The following PPP6R1 variants were observed in gnomAD, a reference collection of about 807,000 sequenced individuals.
PPP6R1 encodes serine/threonine-protein phosphatase 6 regulatory subunit 1.
A neutral mutation model predicts 104.6 loss-of-function variants in PPP6R1; 39 were observed. That is an observed-to-expected ratio of 0.37 (90% CI 0.29 to 0.49). PPP6R1 has a LOEUF of 0.49. PPP6R1 is among the 20% of genes least tolerant of loss of function. The probability of loss-of-function intolerance (pLI) is 0.98; values close to 1 mark genes in which losing one functional copy is unlikely to be tolerated. For synonymous variants in PPP6R1, 549 were observed against 479.0 expected (o/e 1.15, Z -1.91); for missense variants, 1,181 against 1,155.8 (o/e 1.02, Z -0.32).
intron 21 of PPP6R1, 47 bp from the exon 22 acceptor site, chr19:55,230,931 A>G: frequency 7.0e-7 from 1 of 1,427,752 alleles, no homozygotes; most frequent in Non-Finnish European, 9.7e-7. Context: ...CCCCACCGTC[A>G]CCTGCTGACA....
At chr19:55,255,244 C>T (rs771247748) in intron 1 of PPP6R1, among the ~76,000 whole-genome samples, 15 of 152,152 alleles carry the variant, frequency 9.9e-5, no homozygotes, top group African/African-American at 2.2e-4. Flanking sequence ...AGGACTGGGA[C>T]GGGGACTTGA....
intron 19 of PPP6R1, 36 bp downstream of exon 19, chr19:55,231,766 A>C: frequency 6.7e-7 from 1 of 1,492,636 alleles, no homozygotes; most frequent in Non-Finnish European, 8.9e-7. Flanking sequence ...GCCTCGGGAT[A>C]CCAGCACCAT....
chr19:55,243,589 CA>C (rs2087479489), intron 5 of PPP6R1, among the ~76,000 whole-genome samples: 1 of 151,778 alleles, frequency 6.6e-6, no homozygotes, highest in African/African-American at 2.4e-5. Context: ...TGCTTGAGCC[CA>C]GGGGGGTCAA....
chr19:55,247,162 C>T (rs754412789), intron 1 of PPP6R1, 53 bp from the exon 2 acceptor site: 11 of 1,558,578 alleles, frequency 7.1e-6, no homozygotes, highest in South Asian at 1.1e-5. Context: ...GGAGTCCCCA[C>T]TGGACGAGGC....
chr19:55,240,402 G>C (rs2122607399), intron 10 of PPP6R1, 102 bp from the exon 11 acceptor site: 1 of 1,170,372 alleles, frequency 8.5e-7, no homozygotes, highest in South Asian at 1.3e-5. Flanking sequence ...TGCTTCACCA[G>C]GCCCCCGCTC....
rs1311654010 is a variant in PPP6R1, at chr19:55,242,226, T to C, written c.785A>G (p.Gln262Arg). The change falls in exon 7 of 24, where the codon CAG becomes CGG. Residue 262 changes from glutamine (Q) to arginine (R), a missense_variant. Transcript: ENST00000412770. ...LSNMFEGEQS[Q>R]SVIVSGIQVL... Reference sequence around the variant, plus strand: ...CTGGATCCCACTGACGATGACAGACTGGCTCTGCTCCCCCTCGAACATGTT... The same window carrying C: ...CTGGATCCCACTGACGATGACAGACCGGCTCTGCTCCCCCTCGAACATGTT... 1.9e-6 allele frequency: 3 copies of C among 1,613,804 alleles called. No homozygotes were observed. Among genetic ancestry groups the C allele is most frequent in the East Asian group, 2.2e-5 (1 of 44,878 alleles).
chr19:55,245,488 G>A lies in PPP6R1; in HGVS notation c.414+4C>T, dbSNP rs767884977. On this transcript the variant is annotated splice_donor_region_variant and intron_variant, in intron 3 of 23. Coordinates refer to ENST00000412770, the MANE Select transcript of PPP6R1 (RefSeq NM_014931.4). This position sits in a 1 kb window ranked among gnomAD's most constrained non-coding sequence, Gnocchi z 6.4. ...CGGTGGCGCCAGGGTGGGGGCCAGG[G>A]CACCTGGTCTGTCTTGCGGTTGATG... The A allele has an allele frequency of 1.4e-5, 22 of 1,609,676 alleles. No homozygotes were observed. Among genetic ancestry groups the A allele is most frequent in the Non-Finnish European group, 1.7e-5 (20 of 1,178,060 alleles).
chr19:55,235,881 CAGACTGG>C (rs1171694441), intron 17 of PPP6R1, among the ~76,000 whole-genome samples: 1 of 147,128 alleles, frequency 6.8e-6, no homozygotes, highest in African/African-American at 2.5e-5. Context: ...CTCTGTCACC[CAGACTGG>C]AGTGCAGTGG....
At chr19:55,253,012 G>A (rs2087565709) in intron 1 of PPP6R1, among the ~76,000 whole-genome samples, 2 of 152,194 alleles carry the variant, frequency 1.3e-5, no homozygotes, top group African/African-American at 4.8e-5. Flanking sequence ...GCCTGGCAGA[G>A]CTGAAGCTGC....
chr19:55,256,010 T>A (rs2122752234), intron 1 of PPP6R1, among the ~76,000 whole-genome samples: 1 of 152,310 alleles, frequency 6.6e-6, no homozygotes, highest in African/African-American at 2.4e-5. Flanking sequence ...CTAAAGCTAC[T>A]TGTTGAATTA....
At chr19:55,239,347 G>A (rs2087428358) in intron 15 of PPP6R1, 58 bp downstream of exon 15, 1 of 1,500,414 alleles carries the variant, frequency 6.7e-7, no homozygotes, top group African/African-American at 1.4e-5. Context: ...ATACAAGTAG[G>A]CGCGCCTGCT....
At chr19:55,233,588 C>G (rs1468827060) in intron 17 of PPP6R1, among the ~76,000 whole-genome samples, 1 of 152,204 alleles carries the variant, frequency 6.6e-6, no homozygotes. Context: ...TACATTAGTT[C>G]AGCAAGGTTG....
Position 55,258,545 on chromosome 19 carries a change from G to A in PPP6R1, c.-117C>T, listed in dbSNP as rs2087613583. On this transcript the variant is annotated 5_prime_UTR_variant, in exon 1 of 24. Coordinates refer to ENST00000412770, the MANE Select transcript of PPP6R1 (RefSeq NM_014931.4). ...TGCGGGGCCCGGTGAGTGGGGGCGG[G>A]GGCGGCGTCGGGGACTCGCGCAGGC... 6.7e-6 allele frequency: 1 copy of A among 149,906 alleles called. No homozygotes were observed. Among genetic ancestry groups the A allele is most frequent in the African/African-American group, 2.4e-5 (1 of 41,124 alleles). 9.3% of individuals were successfully genotyped at this position (149,906 alleles called of 1,614,324 possible).
At chr19:55,232,371 G>C (rs2087357373) in intron 17 of PPP6R1, 160 bp from the exon 18 acceptor site, 1 of 1,115,620 alleles carries the variant, frequency 9.0e-7, no homozygotes, top group Non-Finnish European at 1.2e-6. Flanking sequence ...CACCAGGAGA[G>C]GCTGGGAGAG....
intron 5 of PPP6R1, among the ~76,000 whole-genome samples, chr19:55,244,287 A>C (rs1273952067): frequency 6.6e-6 from 1 of 152,138 alleles, no homozygotes; most frequent in African/African-American, 2.4e-5. Context: ...GTGGCCTCGG[A>C]TATCTGAGGC....
At position 55,230,834 on chromosome 19, in the gene PPP6R1, G is replaced by T. The variant is rs201404311; in HGVS notation, c.2510C>A (p.Pro837His). The change falls in exon 22 of 24, where the codon CCC becomes CAC. Residue 837 changes from proline (P) to histidine (H), a missense_variant. Physicochemically the swap from Pro to His is moderately conservative, Grantham distance 77. Around this residue, in one of 2 missense-constraint regions of PPP6R1, gnomAD observed 1,042 missense variants for 955.6 expected, o/e 1.09. Coordinates refer to ENST00000412770, the MANE Select transcript of PPP6R1 (RefSeq NM_014931.4). ...CTTCTCCCCTTCTGTGGTCTGGGGG[G>T]GCTGGTGGGCCCCGGAGGCTGGGAC... ...TSVPASGAHQ[P>H]PQTTEGEKSP... is the part of the protein sequence containing the mutation. 92 of 1,606,770 alleles carry T rather than the reference G, an allele frequency of 5.7e-5. No homozygotes were observed. Among genetic ancestry groups the T allele is most frequent in the East Asian group, 1.6e-4 (7 of 44,872 alleles).
chr19:55,247,041 G>A lies in PPP6R1; in HGVS notation c.63C>T (p.Asp21=), dbSNP rs2122683728. 1.2e-6 allele frequency: 2 copies of A among 1,613,832 alleles called. No homozygotes were observed. Among genetic ancestry groups the A allele is most frequent in the South Asian group, 2.2e-5 (2 of 91,090 alleles). The change falls in exon 2 of 24, where the codon GAC becomes GAT. Residue 21 remains aspartate, a synonymous_variant. Coordinates refer to ENST00000412770, the MANE Select transcript of PPP6R1 (RefSeq NM_014931.4). Reference sequence around the variant, plus strand: ...CGTCCAGCAGCTCGGGCAGGCTCAGGTCCTCCCGCTCCAGCAGCGTGTCCA... The same window carrying A: ...CGTCCAGCAGCTCGGGCAGGCTCAGATCCTCCCGCTCCAGCAGCGTGTCCA... The part of the protein sequence containing the change: ...SHLDTLLERE[D]LSLPELLDEE...
intron 2 of PPP6R1, among the ~76,000 whole-genome samples, chr19:55,246,415 CA>C (rs765525887): frequency 0.062 from 4,430 of 72,002 alleles, 149 homozygotes; most frequent in African/African-American, 0.18. Flanking sequence ...AAGTGAGTCT[CA>C]AAAAAAAAAA....
In PPP6R1 at chr19:55,240,086, T is replaced by G; in HGVS notation, c.1390A>C (p.Met464Leu). The G allele has an allele frequency of 6.3e-7, 1 of 1,597,190 alleles. No individual in the cohort carries two copies. The highest frequency in any genetic ancestry group is 2.3e-5 in the East Asian group (1 of 43,948). ...QCAGGPRKGY[M>L]GHLTRVAGAL... is the part of the protein sequence containing the mutation. The stretch of plus-strand genomic sequence containing the variant: ...CCGGCCACTCTTGTCAGGTGACCCA[T>G]GTAGCCTTTCCGAGGGCCTCCCGCA... The change falls in exon 12 of 24, where the codon ATG becomes CTG. Residue 464 changes from methionine (M) to leucine (L), a missense_variant. By Grantham distance (15) the Met-to-Leu change is conservative. Transcript: ENST00000412770.
Sources: allele counts gnomAD v4.1 joint callset (sites outside exome capture counted in the v4.1 genomes callset), GRCh38; gene constraint gnomAD v4.1.1; regional missense constraint gnomAD v4.1.1; non-coding constraint Gnocchi (gnomAD v3.1); transcripts MANE v1.5; gene names NCBI Gene and HGNC (gene_info 2026-07-23, HGNC 2026-07-21).